The following KLF8 variants were observed in gnomAD, a reference collection of about 807,000 sequenced individuals.
KLF8 encodes the protein Krueppel-like factor 8.
In KLF8, 10 loss-of-function variants were observed where a neutral mutation model predicts 18.2. That is an observed-to-expected ratio of 0.55 (90% CI 0.34 to 0.93). The LOEUF is 0.93. Ranked by LOEUF, KLF8 falls within the 40% of genes least tolerant of loss-of-function variation. The pLI, the probability that KLF8 is intolerant of heterozygous loss-of-function variation, is 0.02. For synonymous variants in KLF8, 109 were observed against 97.3 expected (o/e 1.12, Z -0.71); for missense variants, 264 against 277.9 (o/e 0.95, Z 0.36).
chrX:56,139,305 G>T, the KLF8 span, among the ~76,000 whole-genome samples: 58,399 of 110,416 alleles, frequency 0.53, 13,627 homozygotes, highest in Non-Finnish European at 0.73. Context: ...AAATCTCTTT[G>T]AAAATTCACA....
chrX:56,213,786 A>G, the KLF8 span, among the ~76,000 whole-genome samples: 1 of 111,667 alleles, frequency 9.0e-6, no homozygotes, highest in African/African-American at 3.3e-5. Flanking sequence ...CCATCTGCAG[A>G]TGGCTTAAAT....
At chrX:56,186,572 C>A in the KLF8 span, among the ~76,000 whole-genome samples, 1 of 111,630 alleles carries the variant, frequency 9.0e-6, no homozygotes, top group Non-Finnish European at 1.9e-5. Flanking sequence ...GCAGATTATA[C>A]ATTCTTTTCA....
upstream of KLF8, among the ~76,000 whole-genome samples, chrX:56,228,468 C>T (rs2066382831): frequency 8.9e-6 from 1 of 112,183 alleles, no homozygotes; most frequent in African/African-American, 3.2e-5. Context: ...GCCACCTCTG[C>T]ATCTTATTTA....
chrX:56,061,561 A>C, the KLF8 span, among the ~76,000 whole-genome samples: 1 of 111,150 alleles, frequency 9.0e-6, no homozygotes, highest in South Asian at 3.8e-4. Flanking sequence ...TTTTTCATTT[A>C]CTGAGGAGTG....
At chrX:55,982,032 C>T in the KLF8 span, among the ~76,000 whole-genome samples, 2 of 110,433 alleles carry the variant, frequency 1.8e-5, no homozygotes, top group African/African-American at 6.6e-5. Context: ...TAATGGAATC[C>T]AGAGGACAGG....
the KLF8 span, among the ~76,000 whole-genome samples, chrX:56,048,998 G>A: frequency 3.6e-5 from 4 of 111,221 alleles, no homozygotes; most frequent in East Asian, 1.1e-3. Flanking sequence ...CTTGTAAGTT[G>A]GATTCCTAGG....
the KLF8 span, among the ~76,000 whole-genome samples, chrX:55,998,700 G>A: frequency 1.8e-5 from 2 of 111,023 alleles, no homozygotes; most frequent in African/African-American, 6.6e-5. Context: ...CAGACACAGT[G>A]ACAATCTGAT....
the KLF8 span, among the ~76,000 whole-genome samples, chrX:56,052,401 T>C: frequency 1.8e-5 from 2 of 112,127 alleles, no homozygotes; most frequent in African/African-American, 6.5e-5. Flanking sequence ...TTTGTGGTTT[T>C]ATCTACTTTT....
the KLF8 span, among the ~76,000 whole-genome samples, chrX:56,136,665 A>T: frequency 9.0e-6 from 1 of 111,669 alleles, no homozygotes; most frequent in African/African-American, 3.2e-5. Context: ...AAGAAAACCT[A>T]GGCATTACCA....
chrX:56,005,857 ACT>A, the KLF8 span, among the ~76,000 whole-genome samples: 2,235 of 111,181 alleles, frequency 0.02, 51 homozygotes, highest in African/African-American at 0.07. Flanking sequence ...GGTGGAGGAC[ACT>A]CTGGTGGAGC....
the KLF8 span, among the ~76,000 whole-genome samples, chrX:55,984,807 C>A: frequency 1.2e-4 from 13 of 110,230 alleles, no homozygotes; most frequent in Non-Finnish European, 2.1e-4. Context: ...GACTTTTAAT[C>A]GCCATTCTGA....
At chrX:55,914,858 T>A in the KLF8 span, among the ~76,000 whole-genome samples, 2 of 111,611 alleles carry the variant, frequency 1.8e-5, no homozygotes, top group African/African-American at 3.2e-5. Context: ...AGTCTCTTAT[T>A]TTTTATAAGC....
At chrX:56,048,188 T>C in the KLF8 span, among the ~76,000 whole-genome samples, 1 of 111,805 alleles carries the variant, frequency 8.9e-6, no homozygotes, top group Admixed American at 9.5e-5. Context: ...GATGAGTAGA[T>C]TGCAAAAATT....
the KLF8 span, among the ~76,000 whole-genome samples, chrX:56,051,845 A>T: frequency 4.7e-5 from 5 of 107,428 alleles, no homozygotes; most frequent in South Asian, 1.9e-3. Context: ...GTTCTCCTGG[A>T]TAATACCCTG....
the KLF8 span, among the ~76,000 whole-genome samples, chrX:56,144,992 C>T: frequency 1.8e-5 from 2 of 108,739 alleles, no homozygotes; most frequent in South Asian, 8.4e-4. Flanking sequence ...GGGGTTTCAC[C>T]ATGTTGGCCA....
At chrX:56,147,129 A>T in the KLF8 span, among the ~76,000 whole-genome samples, 1 of 112,407 alleles carries the variant, frequency 8.9e-6, no homozygotes, top group African/African-American at 3.2e-5. Flanking sequence ...AGAATGTGGC[A>T]TATTGCACCA....
At chrX:56,143,289 C>G in the KLF8 span, among the ~76,000 whole-genome samples, 3 of 112,069 alleles carry the variant, frequency 2.7e-5, no homozygotes, top group East Asian at 8.4e-4. Context: ...TCCTTTATGT[C>G]TCTGCTTAAA....
the KLF8 span, among the ~76,000 whole-genome samples, chrX:56,046,752 T>A: frequency 9.0e-6 from 1 of 111,700 alleles, no homozygotes; most frequent in East Asian, 2.8e-4. Context: ...AAATTGGCTG[T>A]TAATCTAATA....
the KLF8 span, among the ~76,000 whole-genome samples, chrX:56,011,583 G>A: frequency 4.3e-3 from 474 of 110,773 alleles, 5 homozygotes; most frequent in African/African-American, 0.015. Context: ...CCCAAAGCTA[G>A]CAGAATACAA....
Sources: gnomAD v4.1 joint callset for allele counts (sites outside exome capture counted in the v4.1 genomes callset) on GRCh38, gnomAD v4.1.1 for gene constraint, MANE v1.5 for transcripts, NCBI Gene and HGNC (gene_info 2026-07-23, HGNC 2026-07-21) for gene names.